AHCYL2: variants seen among roughly 807,000 people sequenced by gnomAD.
AHCYL2 encodes S-adenosylhomocysteine hydrolase-like protein 2.
A neutral mutation model predicts 81.4 loss-of-function variants in AHCYL2; 28 were observed. The ratio of observed to expected loss-of-function variants is 0.34; its 90% confidence interval spans 0.25 to 0.47. The LOEUF is 0.47. Among genes scored for constraint, AHCYL2 ranks in the 20% least tolerant of loss-of-function variants. The pLI, the probability that AHCYL2 is intolerant of heterozygous loss-of-function variation, is 1.00. For missense variants in AHCYL2, 551 were observed against 785.1 expected (o/e 0.70, Z 3.56); for synonymous variants, 272 against 290.2 (o/e 0.94, Z 0.64).
chr7:129,415,026 T>A (rs1796776851), intron 12 of AHCYL2, among the ~76,000 whole-genome samples: 1 of 152,224 alleles, frequency 6.6e-6, no homozygotes, highest in South Asian at 2.1e-4. Context: ...CAAAGCCCCT[T>A]TCTACCCTGG....
intron 10 of AHCYL2, 42 bp from the exon 11 acceptor site, chr7:129,409,434 A>C: frequency 6.5e-7 from 1 of 1,549,290 alleles, no homozygotes; most frequent in South Asian, 1.1e-5. Context: ...AAGGCTCCCC[A>C]GCTGCCTGTT....
At chr7:129,401,177 G>A (rs1466794721) in intron 6 of AHCYL2, among the ~76,000 whole-genome samples, 1 of 152,072 alleles carries the variant, frequency 6.6e-6, no homozygotes, top group Non-Finnish European at 1.5e-5. Context: ...TTAGCAGGAT[G>A]TGTTGGCATG....
chr7:129,387,403 A>G (rs1013083064), intron 2 of AHCYL2, among the ~76,000 whole-genome samples: 5 of 152,248 alleles, frequency 3.3e-5, no homozygotes, highest in Non-Finnish European at 5.9e-5. Flanking sequence ...TTATACACCC[A>G]AAAACAGAGA....
intron 1 of AHCYL2, among the ~76,000 whole-genome samples, chr7:129,315,471 C>A (rs1005693634): frequency 6.6e-6 from 1 of 152,214 alleles, no homozygotes; most frequent in African/African-American, 2.4e-5. Flanking sequence ...GAATTTCTCT[C>A]TGATTGAAAT....
chr7:129,373,459 G>A (rs10954229), intron 1 of AHCYL2, among the ~76,000 whole-genome samples: 43,208 of 151,762 alleles, frequency 0.28, 7,569 homozygotes, highest in East Asian at 0.6. Flanking sequence ...AACTAGCCAG[G>A]CGTGGTGGCA....
chr7:129,407,851 C>T (rs1796378179), intron 10 of AHCYL2, among the ~76,000 whole-genome samples: 1 of 152,202 alleles, frequency 6.6e-6, no homozygotes, highest in Non-Finnish European at 1.5e-5. Context: ...AAATTGCTTA[C>T]TGAAGAGCAA....
In AHCYL2 at chr7:129,413,671, AAC is replaced by A; in HGVS notation, c.1448_1449del (p.Thr483ArgfsTer3). On this transcript the variant is annotated frameshift_variant, in exon 12 of 17. Transcript: ENST00000325006. LOFTEE classifies it high-confidence loss of function. ...SCIVCNMGHS[N>X]TEIDVASLRT... Reference sequence around the variant, plus strand: ...CATCGTTTGTAACATGGGACATTCCAACACAGAGATTGACGTGGTAAGATCAA... The same window carrying A: ...CATCGTTTGTAACATGGGACATTCCAACAGAGATTGACGTGGTAAGATCAA... 1 of 1,614,138 alleles carries A rather than the reference AAC, an allele frequency of 6.2e-7. No individual in the cohort carries two copies. Among genetic ancestry groups the A allele is most frequent in the East Asian group, 2.2e-5 (1 of 44,876 alleles).
At position 129,419,958 on chromosome 7, in the gene AHCYL2, G is replaced by A. The variant is rs56023826; in HGVS notation, c.1462-2882G>A. Among the ~76,000 whole-genome samples the A allele has an allele frequency of 0.013, 1,916 of 152,288 alleles. 39 individuals carry two copies. Among genetic ancestry groups the A allele is most frequent in the African/African-American group, 0.044 (1,828 of 41,546 alleles). ...AGATTCTTGTCAAGTTGTGCCAGCC[G>A]TAAGGTAGGAAACCCTTCTGCTCTT... On this transcript the variant is annotated intron_variant, in intron 12 of 16. Transcript: ENST00000325006. The surrounding 1 kb of genome is among the most constrained non-coding windows in gnomAD (Gnocchi z 4.7).
rs1797401289 is a variant in AHCYL2, at chr7:129,427,165, CTGTG to C, written c.*124_*127del. ...ATCAAAGCTGCCTGCCGTGCTCACC[CTGTG>C]TGTTAGGTTATTTATTTATTAAAAT... On this transcript the variant is annotated 3_prime_UTR_variant, in exon 17 of 17. Transcript: ENST00000325006. The surrounding 1 kb of genome is among the most constrained non-coding windows in gnomAD (Gnocchi z 5.5). 1 of 1,036,544 alleles carries C rather than the reference CTGTG, an allele frequency of 9.6e-7. No homozygotes were observed. The highest frequency in any genetic ancestry group is 2.1e-5 in the Admixed American group (1 of 48,672). 64.2% of individuals were successfully genotyped at this position (1,036,544 alleles called of 1,614,324 possible). A position where few individuals can be genotyped will look rare whatever the true frequency, so the allele number is the denominator to read the frequency against.
intron 4 of AHCYL2, among the ~76,000 whole-genome samples, chr7:129,396,664 T>C (rs2150920209): frequency 6.6e-6 from 1 of 152,230 alleles, no homozygotes; most frequent in South Asian, 2.1e-4. Flanking sequence ...CCTCAGGTGA[T>C]CCGCCCACCT....
chr7:129,429,259 C>T lies in AHCYL2; in HGVS notation c.*2214C>T, dbSNP rs1352198493. On this transcript the variant is annotated 3_prime_UTR_variant, in exon 17 of 17. Coordinates refer to ENST00000325006, the MANE Select transcript of AHCYL2 (RefSeq NM_015328.4). ...GTTTCAGATGACCTCTCTGTAGGGA[C>T]ACTGTGTTATCAACCATTAAGAAGA... 6.6e-6 allele frequency: 1 copy of T among 152,192 alleles called. No homozygotes were observed. The highest frequency in any genetic ancestry group is 1.9e-4 in the East Asian group (1 of 5,198). The allele number at this position is 152,192 out of a possible 1,614,324, so 9.4% of individuals were successfully genotyped here.
chr7:129,288,248 T>C (rs1411156872), intron 1 of AHCYL2, among the ~76,000 whole-genome samples: 1 of 152,226 alleles, frequency 6.6e-6, no homozygotes, highest in Non-Finnish European at 1.5e-5. Flanking sequence ...GTCATTTGTG[T>C]TGGCAGAATT....
Position 129,242,029 on chromosome 7 carries a change from G to T in AHCYL2, c.363+16590G>T, listed in dbSNP as rs181226756. 9.2e-5 allele frequency among the ~76,000 whole-genome samples: 14 copies of T among 151,852 alleles called. No individual in the cohort carries two copies. In the East Asian group the frequency reaches 2.3e-3, roughly 25 times the overall value. ...TATATATTCTTTATCAGTATCAATT[G>T]TATGTCAGCAGATAATATATAGCAT... On this transcript the variant is annotated intron_variant, in intron 1 of 16. Coordinates refer to ENST00000325006, the MANE Select transcript of AHCYL2 (RefSeq NM_015328.4).
chr7:129,332,202 CTTCTT>C (rs370474095), intron 1 of AHCYL2, among the ~76,000 whole-genome samples: 144 of 150,728 alleles, frequency 9.6e-4, no homozygotes, highest in African/African-American at 3.3e-3. Context: ...ATTTTTGTCT[CTTCTT>C]TTATTATTGT....
intron 1 of AHCYL2, among the ~76,000 whole-genome samples, chr7:129,260,794 AT>A (rs895581045): frequency 3.5e-3 from 512 of 146,986 alleles, no homozygotes; most frequent in African/African-American, 0.012. Context: ...ATTGGTTTCA[AT>A]TTTTTTTTTT....
At chr7:129,239,068 C>A (rs908188850) in intron 1 of AHCYL2, among the ~76,000 whole-genome samples, 1 of 152,172 alleles carries the variant, frequency 6.6e-6, no homozygotes, top group Admixed American at 6.5e-5. Flanking sequence ...TAACCAAAAT[C>A]ATGGGAGACT....
chr7:129,227,696 C>A (rs1794279164), intron 1 of AHCYL2, among the ~76,000 whole-genome samples: 1 of 151,616 alleles, frequency 6.6e-6, no homozygotes, highest in Non-Finnish European at 1.5e-5. Flanking sequence ...TGCTTCTTGA[C>A]CACTTTCCTT....
intron 1 of AHCYL2, among the ~76,000 whole-genome samples, chr7:129,275,085 T>C (rs1314618290): frequency 6.6e-6 from 1 of 152,174 alleles, no homozygotes; most frequent in African/African-American, 2.4e-5. Context: ...AATTTAGCCG[T>C]AGATAACTGG....
At chr7:129,350,252 A>G (rs1325958909) in intron 1 of AHCYL2, among the ~76,000 whole-genome samples, 2 of 152,164 alleles carry the variant, frequency 1.3e-5, no homozygotes, top group African/African-American at 4.8e-5. Context: ...TATCCTGTCC[A>G]TACTTGTTTC....
Sources: allele counts gnomAD v4.1 joint callset (sites outside exome capture counted in the v4.1 genomes callset), GRCh38; gene constraint gnomAD v4.1.1; non-coding constraint Gnocchi (gnomAD v3.1); transcripts MANE v1.5; gene names NCBI Gene and HGNC (gene_info 2026-07-23, HGNC 2026-07-21).